Variants in ZNF43 observed in about 807,000 individuals in gnomAD.
The protein encoded by ZNF43 is zinc finger protein 39-like 1 (KOX 27).
Under a neutral mutation model 68.4 loss-of-function variants are expected in ZNF43, and 44 were observed. That is an observed-to-expected ratio of 0.64 (90% CI 0.51 to 0.83). ZNF43 has a LOEUF of 0.83. Ranked by LOEUF, ZNF43 falls within the 40% of genes least tolerant of loss-of-function variation. The probability of loss-of-function intolerance (pLI) is 0.00; values close to 1 mark genes in which losing one functional copy is unlikely to be tolerated. For missense variants in ZNF43, 896 were observed against 933.2 expected, an observed-to-expected ratio of 0.96 and a Z score of 0.52; for synonymous variants, 308 against 307.8, an observed-to-expected ratio of 1.00 and a Z score of -0.01.
chr19:21,828,740 A>G (rs1261662087), intron 1 of ZNF43, among the ~76,000 whole-genome samples: 1 of 148,936 alleles, frequency 6.7e-6, no homozygotes, highest in Non-Finnish European at 1.5e-5. Flanking sequence ...TTTAAGGAAA[A>G]AAAAAAAATA....
At chr19:21,809,864 C>T (rs1259650392) in intron 3 of ZNF43, 57 bp from the exon 4 acceptor site, 4 of 1,420,254 alleles carry the variant, frequency 2.8e-6, no homozygotes, top group Non-Finnish European at 3.7e-6. Context: ...GATAAATATA[C>T]TTTATGTAAC....
At chr19:21,819,062 A>G in intron 2 of ZNF43, 33 bp downstream of exon 2, 1 of 1,594,380 alleles carries the variant, frequency 6.3e-7, no homozygotes, top group Non-Finnish European at 8.5e-7. Context: ...TCTTTAGGGT[A>G]TATTAGGAAT....
intron 2 of ZNF43, among the ~76,000 whole-genome samples, chr19:21,818,335 G>C (rs569938917): frequency 2.0e-5 from 3 of 147,224 alleles, no homozygotes; most frequent in Non-Finnish European, 3.0e-5. Flanking sequence ...ACTCCTGACC[G>C]GGTGATCCGC....
chr19:21,837,409 C>T (rs1967184730), upstream of ZNF43, among the ~76,000 whole-genome samples: 1 of 142,250 alleles, frequency 7.0e-6, no homozygotes, highest in African/African-American at 2.6e-5. Flanking sequence ...CATTTGCCTA[C>T]ACTTACTTTT....
intron 3 of ZNF43, among the ~76,000 whole-genome samples, chr19:21,815,679 TA>T (rs2037494046): frequency 6.6e-6 from 1 of 152,076 alleles, no homozygotes; most frequent in African/African-American, 2.4e-5. Context: ...ACTGATTATC[TA>T]ATTTACTTCA....
At chr19:21,846,611 G>A (rs978641238) in intron 1 of ZNF43, among the ~76,000 whole-genome samples, 1 of 152,016 alleles carries the variant, frequency 6.6e-6, no homozygotes, top group East Asian at 1.9e-4. Context: ...TGTGAGCAGG[G>A]CCAAGAAAAA....
chr19:21,834,213 C>T (rs773904414), intron 1 of ZNF43, among the ~76,000 whole-genome samples: 34 of 151,236 alleles, frequency 2.2e-4, no homozygotes, highest in Non-Finnish European at 4.3e-4. Context: ...TGGTAGGTGC[C>T]GGTAGTTCCA....
intron 1 of ZNF43, among the ~76,000 whole-genome samples, chr19:21,834,771 T>TGGAAGGAA (rs113045492): frequency 4.3e-5 from 6 of 138,160 alleles, no homozygotes; most frequent in Admixed American, 1.5e-4. Context: ...GATGGAAAGA[T>TGGAAGGAA]GGAAGGAAGG....
intron 3 of ZNF43, among the ~76,000 whole-genome samples, chr19:21,816,222 A>G (rs570707025): frequency 6.6e-6 from 1 of 152,158 alleles, no homozygotes; most frequent in Non-Finnish European, 1.5e-5. Context: ...GAGAGCCAGG[A>G]GGCATCATGG....
In ZNF43 at chr19:21,809,198, C is replaced by A; in HGVS notation, c.839G>T (p.Arg280Leu). 6.2e-7 allele frequency: 1 copy of A among 1,605,316 alleles called. No homozygotes were observed. Among genetic ancestry groups the A allele is most frequent in the Non-Finnish European group, 8.5e-7 (1 of 1,177,198 alleles). Reference protein sequence around the residue: ...SSILTTHKIIRTGEKFYKCKE... With the variant: ...SSILTTHKIILTGEKFYKCKE... The stretch of plus-strand genomic sequence containing the variant: ...ACATTTGTAGAATTTCTCTCCAGTG[C>A]GAATTATCTTATGGGTAGTAAGGAT... Residue 280 changes from arginine to leucine, a missense_variant, in exon 4 of 4, where the codon CGC becomes CTC. Transcript: ENST00000354959.
Position 21,808,632 on chromosome 19 carries a change from G to A in ZNF43, c.1405C>T (p.Leu469Phe), listed in dbSNP as rs1247672216. ...GTATGAATTCTCTTATGTGTAGTAA[G>A]GTTTGAGAACTGGTTAAAGGCTTTG... is the stretch of plus-strand genomic sequence containing the variant. The part of the protein sequence containing the change: ...CGKAFNQFSN[L>F]TTHKRIHTAE... Residue 469 changes from leucine (L) to phenylalanine (F), a missense_variant, in exon 4 of 4, where the codon CTT becomes TTT. Physicochemically the swap from Leu to Phe is conservative, Grantham distance 22. Coordinates refer to ENST00000354959, the MANE Select transcript of ZNF43 (RefSeq NM_003423.4). 4 of 1,613,332 alleles carry A rather than the reference G, an allele frequency of 2.5e-6. No homozygotes were observed. The South Asian group carries it at 3.3e-5, about 13-fold the overall frequency.
At chr19:21,830,361 T>C (rs182624220) in intron 1 of ZNF43, among the ~76,000 whole-genome samples, 131 of 146,178 alleles carry the variant, frequency 9.0e-4, no homozygotes, top group African/African-American at 3.2e-3. Context: ...ATTAATAAGA[T>C]AAATAGCACT....
chr19:21,827,028 A>G (rs1343681484), intron 1 of ZNF43: 1 of 152,388 alleles, frequency 6.6e-6, no homozygotes, highest in Non-Finnish European at 1.5e-5. Context: ...AGTTCAAAGC[A>G]TCTTAAGAAA....
chr19:21,809,295 G>A lies in ZNF43; in HGVS notation c.742C>T (p.His248Tyr). The A allele has an allele frequency of 6.2e-7, 1 of 1,613,346 alleles. No homozygotes were observed. The highest frequency in any genetic ancestry group is 8.5e-7 in the Non-Finnish European group (1 of 1,179,826). The change falls in exon 4 of 4, where the codon CAT becomes TAT. Residue 248 changes from histidine (H) to tyrosine (Y), a missense_variant. Physicochemically the swap from His to Tyr is moderately conservative, Grantham distance 83. Coordinates refer to ENST00000354959, the MANE Select transcript of ZNF43 (RefSeq NM_003423.4). The part of the protein sequence containing the change: ...VFNWSSRLTT[H>Y]KKNYTRYKLY... ...TTGTATCTAGTATAATTTTTTTTAT[G>A]TGTAGTAAGGCGTGAGGACCAATTA...
In ZNF43 at chr19:21,809,453, A is replaced by T. The variant is rs762569454; in HGVS notation, c.584T>A (p.Ile195Asn). The part of the protein sequence containing the change: ...MLPHLAQHKI[I>N]HTRVNFCKCE... Reference sequence around the variant, plus strand: ...TTTGCAGAAATTCACTCTGGTATGAATTATTTTATGTTGAGCTAGATGTGG... The same window carrying T: ...TTTGCAGAAATTCACTCTGGTATGATTTATTTTATGTTGAGCTAGATGTGG... The change falls in exon 4 of 4, where the codon ATT becomes AAT. Residue 195 changes from isoleucine to asparagine, a missense_variant. Coordinates refer to ENST00000354959, the MANE Select transcript of ZNF43 (RefSeq NM_003423.4). 3 of 1,613,832 alleles carry T rather than the reference A, an allele frequency of 1.9e-6. No individual in the cohort carries two copies. The South Asian group carries it at 3.3e-5, about 18-fold the overall frequency.
intron 1 of ZNF43, among the ~76,000 whole-genome samples, chr19:21,832,256 C>T (rs1213603862): frequency 6.6e-6 from 1 of 151,974 alleles, no homozygotes; most frequent in Non-Finnish European, 1.5e-5. Context: ...TGATCTTCAA[C>T]AAAGCTTACA....
At chr19:21,820,502 C>A (rs901027316) in intron 1 of ZNF43, among the ~76,000 whole-genome samples, 2 of 150,334 alleles carry the variant, frequency 1.3e-5, no homozygotes, top group African/African-American at 4.9e-5. Context: ...TGCTTGAACC[C>A]AGGAGGCAGA....
chr19:21,825,459 TTC>T (rs1222716903), intron 1 of ZNF43, among the ~76,000 whole-genome samples: 19 of 152,188 alleles, frequency 1.2e-4, no homozygotes, highest in African/African-American at 4.6e-4. Context: ...AATAATTGTG[TTC>T]TCATTTTAAT....
intron 1 of ZNF43, among the ~76,000 whole-genome samples, chr19:21,820,160 T>C (rs1229911646): frequency 4.6e-5 from 4 of 87,644 alleles, no homozygotes; most frequent in South Asian, 3.2e-4. Context: ...GATCACATCA[T>C]TGCATTCCAG....
Sources: gnomAD v4.1 joint callset for allele counts (sites outside exome capture counted in the v4.1 genomes callset) on GRCh38, gnomAD v4.1.1 for gene constraint, MANE v1.5 for transcripts, NCBI Gene and HGNC (gene_info 2026-07-23, HGNC 2026-07-21) for gene names.